Variants in EPRS1 observed in about 807,000 individuals in gnomAD.
The protein encoded by EPRS1 is glutamyl-prolyl-tRNA synthetase 1, also known as bifunctional glutamate/proline--tRNA ligase.
EPRS1 carries 107 observed loss-of-function variants against 188.3 expected under a neutral mutation model. That is an observed-to-expected ratio of 0.57 (90% CI 0.49 to 0.67). EPRS1 has a LOEUF of 0.67. Among genes scored for constraint, EPRS1 ranks in the 30% least tolerant of loss-of-function variants. The pLI is 0.00. For synonymous variants in EPRS1, 596 were observed against 593.1 expected, an observed-to-expected ratio of 1.00 and a Z score of -0.07; for missense variants, 1,577 against 1,802.2, an observed-to-expected ratio of 0.88 and a Z score of 2.26.
At chr1:220,042,247 C>G (rs1474083702) in intron 1 of EPRS1, among the ~76,000 whole-genome samples, 1 of 150,518 alleles carries the variant, frequency 6.6e-6, no homozygotes, top group African/African-American at 2.4e-5. Context: ...CTTTGGGAGA[C>G]TGAGGCAGGC....
intron 1 of EPRS1, among the ~76,000 whole-genome samples, chr1:220,045,063 G>C (rs1256375224): frequency 6.6e-6 from 1 of 152,090 alleles, no homozygotes; most frequent in African/African-American, 2.4e-5. Context: ...TTGTGTTTTT[G>C]TTCAACAACC....
intron 12 of EPRS1, among the ~76,000 whole-genome samples, chr1:220,011,977 T>C (rs1417401609): frequency 7.4e-6 from 1 of 135,834 alleles, no homozygotes. Flanking sequence ...TTTGTTTTTA[T>C]TTTTCCATTG....
At chr1:220,017,354 T>G (rs1005119162) in intron 12 of EPRS1, among the ~76,000 whole-genome samples, 1 of 152,194 alleles carries the variant, frequency 6.6e-6, no homozygotes, top group Non-Finnish European at 1.5e-5. Context: ...TTGACTATAG[T>G]AAAATATATT....
intron 8 of EPRS1, 29 bp from the exon 9 acceptor site, chr1:220,022,547 A>G: frequency 6.5e-7 from 1 of 1,535,814 alleles, no homozygotes; most frequent in Non-Finnish European, 8.9e-7. Context: ...ATTACGGTTC[A>G]CTAATCTGGT....
intron 1 of EPRS1, 74 bp downstream of exon 1, chr1:220,046,269 C>A: frequency 2.5e-6 from 4 of 1,573,690 alleles, no homozygotes; most frequent in South Asian, 1.1e-5. Flanking sequence ...AAAGCCGGGG[C>A]GCAGCGACCT....
intron 1 of EPRS1, among the ~76,000 whole-genome samples, chr1:220,044,872 C>T (rs1393854890): frequency 6.6e-6 from 1 of 152,108 alleles, no homozygotes; most frequent in Non-Finnish European, 1.5e-5. Flanking sequence ...CAGGATTGGA[C>T]TCAGGTCTGC....
At position 220,018,994 on chromosome 1, in the gene EPRS1, C is replaced by G; in HGVS notation, c.1434+1G>C. 6.2e-7 allele frequency: 1 copy of G among 1,604,540 alleles called. No individual in the cohort carries two copies. The highest frequency in any genetic ancestry group is 8.5e-7 in the Non-Finnish European group (1 of 1,171,572). On this transcript the variant is annotated splice_donor_variant, in intron 11 of 31. Coordinates refer to ENST00000366923, the MANE Select transcript of EPRS1 (RefSeq NM_004446.3). LOFTEE classifies it high-confidence loss of function. ...AAGCTGGAAAAGAAACTGTAACGCA[C>G]CTGAGCAGCAATAAACTGTTTCAGT...
chr1:220,022,759 A>C (rs1327776830), intron 8 of EPRS1, among the ~76,000 whole-genome samples: 1 of 152,226 alleles, frequency 6.6e-6, no homozygotes, highest in East Asian at 1.9e-4. Flanking sequence ...ACATCAATAC[A>C]TTCCACTCAT....
Position 220,001,405 on chromosome 1 carries a change from GCCCAGGC to G in EPRS1, c.2064-157_2064-151del. 4.9e-6 allele frequency: 3 copies of G among 610,768 alleles called. No homozygotes were observed. The East Asian group carries it at 8.3e-5, about 17-fold the overall frequency. 37.8% of individuals were successfully genotyped at this position (610,768 alleles called of 1,614,324 possible). A position where few individuals can be genotyped will look rare whatever the true frequency, so the allele number is the denominator to read the frequency against. ...CTTTTTGAGACAGTCTCACTCTGTC[GCCCAGGC>G]TGGAATGTAGTGATGTGATCTAAGC... On this transcript the variant is annotated intron_variant, in intron 16 of 31. Transcript: ENST00000366923.
At chr1:219,990,062 T>C (rs1042129852) in intron 18 of EPRS1, among the ~76,000 whole-genome samples, 10 of 151,876 alleles carry the variant, frequency 6.6e-5, no homozygotes, top group African/African-American at 2.4e-4. Context: ...AGAAGCTCCA[T>C]TTTACACTAT....
intron 28 of EPRS1, among the ~76,000 whole-genome samples, chr1:219,977,027 C>T (rs186012871): frequency 6.6e-6 from 1 of 152,226 alleles, no homozygotes; most frequent in East Asian, 1.9e-4. Flanking sequence ...GCCTCACAAT[C>T]AAACAATATT....
At chr1:220,040,803 T>C (rs1662276955) in intron 1 of EPRS1, among the ~76,000 whole-genome samples, 1 of 151,144 alleles carries the variant, frequency 6.6e-6, no homozygotes, top group African/African-American at 2.4e-5. Flanking sequence ...TGAGCCGAGA[T>C]TGAGCCATTG....
chr1:220,023,009 G>T (rs1661907622), intron 8 of EPRS1, among the ~76,000 whole-genome samples: 1 of 152,194 alleles, frequency 6.6e-6, no homozygotes, highest in Non-Finnish European at 1.5e-5. Context: ...CCTATCTAAA[G>T]AACACAGCTC....
At chr1:219,976,164 C>T (rs768280021) in intron 28 of EPRS1, among the ~76,000 whole-genome samples, 10 of 152,108 alleles carry the variant, frequency 6.6e-5, no homozygotes, top group Non-Finnish European at 1.0e-4. Flanking sequence ...AAACAAATAA[C>T]GTCAGTAACA....
intron 12 of EPRS1, among the ~76,000 whole-genome samples, chr1:220,015,661 G>A (rs1274057016): frequency 6.6e-6 from 1 of 152,040 alleles, no homozygotes; most frequent in Non-Finnish European, 1.5e-5. Flanking sequence ...CTATCATCAT[G>A]AAATTTCAGA....
chr1:219,985,049 G>GAAA (rs1305874124), intron 20 of EPRS1, among the ~76,000 whole-genome samples: 3 of 95,246 alleles, frequency 3.1e-5, no homozygotes, highest in African/African-American at 1.0e-4. Flanking sequence ...CGTCTCAAAA[G>GAAA]AAAAAAAAAA....
chr1:219,982,652 T>C (rs988283838), intron 23 of EPRS1, 120 bp downstream of exon 23: 2 of 728,124 alleles, frequency 2.7e-6, no homozygotes, highest in African/African-American at 3.6e-5. Context: ...TCAACATTCA[T>C]GAAATGTTAT....
In EPRS1 at chr1:219,987,189, G is replaced by C. The variant is rs192901402; in HGVS notation, c.2991C>G (p.Leu997=). The change falls in exon 20 of 32, where the codon CTC becomes CTG. Residue 997 remains leucine (L), a synonymous_variant. Transcript: ENST00000366923. ...KDPSKNQGGG[L]SSSGAGEGQG... is the part of the protein sequence containing the mutation. Reference sequence around the variant, plus strand: ...GCCCTTCTCCTGCTCCACTTGATGAGAGCCCACCTCCTTGGTTTTTAGAAG... The same window carrying C: ...GCCCTTCTCCTGCTCCACTTGATGACAGCCCACCTCCTTGGTTTTTAGAAG... 6.2e-4 allele frequency: 1,004 copies of C among 1,614,052 alleles called. 9 individuals carry two copies. The Admixed American group carries it at 8.2e-3, about 13-fold the overall frequency.
chr1:220,029,422 A>G lies in EPRS1; in HGVS notation c.623+964T>C, dbSNP rs574568023. Among the ~76,000 whole-genome samples the G allele has an allele frequency of 3.3e-5, 5 of 152,328 alleles. No individual in the cohort carries two copies. The South Asian group carries it at 1.0e-3, about 32-fold the overall frequency. On this transcript the variant is annotated intron_variant, in intron 6 of 31. Coordinates refer to ENST00000366923, the MANE Select transcript of EPRS1 (RefSeq NM_004446.3). ...GACAAAATGTGAAATTCTAAAAGCA[A>G]TTTTACTGTTAATGATGCTTATGAA...
Sources: allele counts gnomAD v4.1 joint callset (sites outside exome capture counted in the v4.1 genomes callset), GRCh38; gene constraint gnomAD v4.1.1; transcripts MANE v1.5; gene names NCBI Gene and HGNC (gene_info 2026-07-23, HGNC 2026-07-21).